The following DPP6 variants were observed in gnomAD, a reference collection of about 807,000 sequenced individuals.
DPP6 encodes dipeptidyl peptidase like 6, also known as A-type potassium channel modulatory protein DPP6.
DPP6 carries 69 observed loss-of-function variants against 122.6 expected under a neutral mutation model. That is an observed-to-expected ratio of 0.56 (90% CI 0.46 to 0.69). The LOEUF (loss-of-function observed/expected upper bound fraction) is 0.69, where lower values mean the gene tolerates loss of function less well. Ranked by LOEUF, DPP6 falls within the 30% of genes least tolerant of loss-of-function variation. The pLI is 0.00. For missense variants in DPP6, 928 were observed against 1,116.9 expected, an observed-to-expected ratio of 0.83 and a Z score of 2.41; for synonymous variants, 418 against 433.1, an observed-to-expected ratio of 0.97 and a Z score of 0.43.
chr7:154,123,490 C>G (rs1199515482), intron 1 of DPP6, among the ~76,000 whole-genome samples: 1 of 152,120 alleles, frequency 6.6e-6, no homozygotes, highest in Admixed American at 6.5e-5. Flanking sequence ...TCATTTACTT[C>G]CTGATAGCTT....
chr7:153,993,132 A>G (rs1430456630), intron 1 of DPP6, among the ~76,000 whole-genome samples: 1 of 152,184 alleles, frequency 6.6e-6, no homozygotes, highest in Non-Finnish European at 1.5e-5. Flanking sequence ...CTACATAACC[A>G]CAGAGTTTAG....
At chr7:154,352,455 T>G (rs1223885749) in intron 1 of DPP6, among the ~76,000 whole-genome samples, 1 of 151,802 alleles carries the variant, frequency 6.6e-6, no homozygotes, top group Non-Finnish European at 1.5e-5. Context: ...AGAGTGAGAC[T>G]CTGTCTCAAA....
chr7:154,889,747 A>T, intron 25 of DPP6: 1 of 722,768 alleles, frequency 1.4e-6, no homozygotes, highest in Non-Finnish European at 2.2e-6. Flanking sequence ...CCCGGTTTAA[A>T]TCCCTTTAGG....
At chr7:154,231,466 T>A (rs1186380457) in intron 1 of DPP6, among the ~76,000 whole-genome samples, 1 of 152,180 alleles carries the variant, frequency 6.6e-6, no homozygotes, top group African/African-American at 2.4e-5. Context: ...AACCACGATG[T>A]AAGTGTCAGG....
intron 1 of DPP6, among the ~76,000 whole-genome samples, chr7:154,319,938 C>T (rs1205114667): frequency 1.3e-5 from 2 of 151,094 alleles, no homozygotes; most frequent in South Asian, 4.2e-4. Context: ...TTGCGGTGAG[C>T]CGAGATCACA....
chr7:154,259,081 C>T (rs374169667), intron 1 of DPP6, among the ~76,000 whole-genome samples: 2 of 152,144 alleles, frequency 1.3e-5, no homozygotes, highest in African/African-American at 2.4e-5. Flanking sequence ...CTGTCACACG[C>T]GGAGAACCCA....
chr7:154,437,182 CA>C (rs1185466721), intron 1 of DPP6, among the ~76,000 whole-genome samples: 29 of 152,364 alleles, frequency 1.9e-4, no homozygotes, highest in Admixed American at 1.8e-3. Flanking sequence ...TGCCTCTCTG[CA>C]GCCAATCATT....
chr7:153,812,661 C>T, the DPP6 span, among the ~76,000 whole-genome samples: 4 of 152,282 alleles, frequency 2.6e-5, no homozygotes, highest in African/African-American at 4.8e-5. Flanking sequence ...ACCAGAAAGC[C>T]TGATTCAACA....
the DPP6 span, among the ~76,000 whole-genome samples, chr7:153,780,671 G>A: frequency 6.6e-6 from 1 of 152,156 alleles, no homozygotes; most frequent in African/African-American, 2.4e-5. Context: ...AAATAACCCT[G>A]AGCATATGGG....
chr7:154,644,179 C>G (rs1023336322), intron 6 of DPP6, among the ~76,000 whole-genome samples: 6 of 152,132 alleles, frequency 3.9e-5, no homozygotes, highest in African/African-American at 1.4e-4. Context: ...ACAGTAGGCG[C>G]AGATTAGTTT....
chr7:154,278,406 A>G (rs1390378743), intron 1 of DPP6, among the ~76,000 whole-genome samples: 1 of 152,230 alleles, frequency 6.6e-6, no homozygotes, highest in Non-Finnish European at 1.5e-5. Context: ...AGCAGCTTGA[A>G]GGAAACTCAG....
rs1584958474 is a variant in DPP6, at chr7:154,877,220, T to G, written c.2078+1120T>G. On this transcript the variant is annotated intron_variant, in intron 20 of 25. Coordinates refer to ENST00000377770, the MANE Select transcript of DPP6 (RefSeq NM_130797.4). The surrounding 1 kb of genome is among the most constrained non-coding windows in gnomAD (Gnocchi z 5.2). ...AAACAATGAGCGTGTGAATGAATGG[T>G]TCCGGTCCTCCTCCAGGGAGCTATG... 1 of 152,326 alleles carries G rather than the reference T, an allele frequency of 6.6e-6. No homozygotes were observed. The highest frequency in any genetic ancestry group is 1.9e-4 in the East Asian group (1 of 5,172). 9.4% of individuals were successfully genotyped at this position (152,326 alleles called of 1,614,324 possible). A position where few individuals can be genotyped will look rare whatever the true frequency, so the allele number is the denominator to read the frequency against.
chr7:154,071,857 C>T (rs541058899), intron 1 of DPP6, among the ~76,000 whole-genome samples: 2 of 152,290 alleles, frequency 1.3e-5, no homozygotes, highest in East Asian at 3.9e-4. Flanking sequence ...TCTTCAACTT[C>T]CCTCTGTGAT....
chr7:154,044,858 G>C (rs1159698865), intron 1 of DPP6, among the ~76,000 whole-genome samples: 1 of 152,068 alleles, frequency 6.6e-6, no homozygotes, highest in East Asian at 1.9e-4. Flanking sequence ...CCAAACTAGA[G>C]GCACGGAAGA....
chr7:154,434,439 C>T (rs560788743), intron 1 of DPP6, among the ~76,000 whole-genome samples: 1 of 152,080 alleles, frequency 6.6e-6, no homozygotes, highest in African/African-American at 2.4e-5. Flanking sequence ...CTTCAGCCGC[C>T]GCTTCACCCT....
the DPP6 span, among the ~76,000 whole-genome samples, chr7:153,771,991 A>G: frequency 1.3e-5 from 2 of 152,224 alleles, no homozygotes; most frequent in Non-Finnish European, 2.9e-5. Context: ...TAGTGTATTT[A>G]TAGCATGGTT....
chr7:154,680,061 T>A (rs564822278), intron 7 of DPP6, among the ~76,000 whole-genome samples: 2 of 152,160 alleles, frequency 1.3e-5, no homozygotes, highest in South Asian at 2.1e-4. Flanking sequence ...TGAGGAGAAT[T>A]AGGAAATAAT....
At chr7:153,767,534 A>ATT in the DPP6 span, among the ~76,000 whole-genome samples, 8,392 of 137,560 alleles carry the variant, frequency 0.061, 315 homozygotes, top group African/African-American at 0.093. Context: ...CACCCGGTTA[A>ATT]TTTTTTTTTT....
intron 1 of DPP6, among the ~76,000 whole-genome samples, chr7:154,422,491 T>A (rs934990404): frequency 6.6e-6 from 1 of 152,168 alleles, no homozygotes; most frequent in Non-Finnish European, 1.5e-5. Flanking sequence ...AATAGGCTAA[T>A]AAGGGCAATG....
Sources: gnomAD v4.1 joint callset for allele counts (sites outside exome capture counted in the v4.1 genomes callset) on GRCh38, gnomAD v4.1.1 for gene constraint, Gnocchi (gnomAD v3.1) non-coding constraint, MANE v1.5 for transcripts, NCBI Gene and HGNC (gene_info 2026-07-23, HGNC 2026-07-21) for gene names.